Variants in RALGPS1 observed in about 807,000 individuals in gnomAD.
RALGPS1 encodes ras-specific guanine nucleotide-releasing factor RalGPS1.
RALGPS1 carries 19 observed loss-of-function variants against 78.8 expected under a neutral mutation model. The ratio of observed to expected loss-of-function variants is 0.24; its 90% CI spans 0.17 to 0.35. The LOEUF is 0.35. Among genes scored for constraint, RALGPS1 ranks in the 10% least tolerant of loss-of-function variants. The pLI, the probability that RALGPS1 is intolerant of heterozygous loss-of-function variation, is 1.00. For synonymous variants in RALGPS1, 228 were observed against 256.3 expected (o/e 0.89, Z 1.06); for missense variants, 454 against 688.3 (o/e 0.66, Z 3.81).
At chr9:127,206,430 A>G (rs184907442) in intron 14 of RALGPS1, among the ~76,000 whole-genome samples, 20 of 152,340 alleles carry the variant, frequency 1.3e-4, no homozygotes, top group Admixed American at 1.1e-3. Context: ...TCTTCTTCAT[A>G]TGGTGGTAGC....
At chr9:127,114,501 G>A (rs2055192217) in intron 8 of RALGPS1, among the ~76,000 whole-genome samples, 1 of 152,232 alleles carries the variant, frequency 6.6e-6, no homozygotes, top group Non-Finnish European at 1.5e-5. Flanking sequence ...GACGACGACA[G>A]GAGTGCTCTT....
intron 8 of RALGPS1, among the ~76,000 whole-genome samples, chr9:127,102,315 A>C (rs2053813959): frequency 6.6e-6 from 1 of 151,602 alleles, no homozygotes; most frequent in Admixed American, 6.6e-5. Context: ...GTATGAGGCT[A>C]ACTTAATACT....
chr9:127,066,416 G>T (rs1341644061), intron 7 of RALGPS1, among the ~76,000 whole-genome samples: 2 of 152,228 alleles, frequency 1.3e-5, no homozygotes, highest in Non-Finnish European at 2.9e-5. Context: ...CAAGGCTGGC[G>T]GATCAGCTGA....
intron 4 of RALGPS1, among the ~76,000 whole-genome samples, chr9:127,014,752 A>AT (rs962901388): frequency 2.6e-5 from 4 of 151,646 alleles, no homozygotes; most frequent in South Asian, 2.1e-4. Context: ...TAGGCCCATC[A>AT]TTTTTTTACA....
chr9:126,920,304 C>T (rs1318949751), intron 1 of RALGPS1, among the ~76,000 whole-genome samples: 1 of 152,152 alleles, frequency 6.6e-6, no homozygotes, highest in Admixed American at 6.5e-5. Flanking sequence ...TGAGTGCTGA[C>T]TCTGAGACAG....
At position 127,168,060 on chromosome 9, in the gene RALGPS1, C is replaced by T. The variant is rs759281533; in HGVS notation, c.749-619C>T. 1.2e-4 allele frequency among the ~76,000 whole-genome samples: 19 copies of T among 152,224 alleles called. No individual in the cohort carries two copies. In the East Asian group the frequency reaches 1.5e-3, roughly 12 times the overall value. On this transcript the variant is annotated intron_variant, in intron 9 of 18. Coordinates refer to ENST00000259351, the MANE Select transcript of RALGPS1 (RefSeq NM_014636.3). The stretch of plus-strand genomic sequence containing the variant: ...TGCAATGGGGATATTGTTTCTCCCA[C>T]GTGAGGCAGGTGTGAAGGTTAACAA...
intron 8 of RALGPS1, among the ~76,000 whole-genome samples, chr9:127,153,375 C>CT (rs60308901): frequency 0.027 from 2,710 of 102,058 alleles, 104 homozygotes; most frequent in African/African-American, 0.079. Context: ...TAGAGGATTA[C>CT]TTTTTTTTTT....
intron 11 of RALGPS1, among the ~76,000 whole-genome samples, chr9:127,187,522 G>A (rs1045543838): frequency 2.0e-5 from 3 of 152,242 alleles, no homozygotes; most frequent in African/African-American, 7.2e-5. Flanking sequence ...AGAGCATAGC[G>A]CTGGGCGCAT....
chr9:127,155,902 T>C (rs948834569), intron 8 of RALGPS1, among the ~76,000 whole-genome samples: 8 of 151,866 alleles, frequency 5.3e-5, no homozygotes, highest in African/African-American at 1.9e-4. Context: ...ATCTTGCTTT[T>C]TTTTTTTTTA....
At chr9:126,998,749 C>T (rs952449632) in intron 4 of RALGPS1, among the ~76,000 whole-genome samples, 4 of 151,874 alleles carry the variant, frequency 2.6e-5, no homozygotes, top group Non-Finnish European at 5.9e-5. Context: ...TTCACAATAG[C>T]GAAGACTTGG....
intron 5 of RALGPS1, among the ~76,000 whole-genome samples, chr9:127,035,683 A>G (rs2046806176): frequency 3.3e-5 from 5 of 152,098 alleles, no homozygotes; most frequent in Admixed American, 2.6e-4. Flanking sequence ...CCCCAAGTCC[A>G]GCGGGATCCT....
At chr9:127,108,369 C>G (rs1239576613) in intron 8 of RALGPS1, 1 of 1,610,656 alleles carries the variant, frequency 6.2e-7, no homozygotes, top group East Asian at 2.2e-5. Context: ...TGCGCAGCAG[C>G]TTCACCTCGC....
At chr9:127,112,800 G>T (rs2054977344) in intron 8 of RALGPS1, among the ~76,000 whole-genome samples, 1 of 152,250 alleles carries the variant, frequency 6.6e-6, no homozygotes, top group Admixed American at 6.5e-5. Flanking sequence ...CTGGGTGTGG[G>T]CCAGGCAGTG....
rs1241364978 is a variant in RALGPS1 at position 127,205,616 on chromosome 9, A to G, written c.1248-6515A>G. Reference sequence around the variant, plus strand: ...TACAATTCCTCCAGAGTCAGCACCTAGAAAGCGGGCAGGACGCTCCTTCCA... The same window carrying G: ...TACAATTCCTCCAGAGTCAGCACCTGGAAAGCGGGCAGGACGCTCCTTCCA... On this transcript the variant is annotated intron_variant, in intron 14 of 18. Transcript: ENST00000259351. The surrounding 1 kb of genome is among the most constrained non-coding windows in gnomAD (Gnocchi z 4.0). Among the ~76,000 whole-genome samples, 1 of 152,216 alleles carries G rather than the reference A, an allele frequency of 6.6e-6. No individual in the cohort carries two copies. Among genetic ancestry groups the G allele is most frequent in the Non-Finnish European group, 1.5e-5 (1 of 68,042 alleles).
intron 7 of RALGPS1, among the ~76,000 whole-genome samples, chr9:127,054,919 A>C (rs1460515680): frequency 1.3e-5 from 2 of 151,926 alleles, no homozygotes; most frequent in African/African-American, 4.8e-5. Context: ...TCAAGGCAGC[A>C]GTGAACTATG....
rs561241584 is a variant in RALGPS1 at position 127,146,061 on chromosome 9, T to C, written c.611-20008T>C. On this transcript the variant is annotated intron_variant, in intron 8 of 18. Transcript: ENST00000259351. ...GAGAACACGGTGGATTCTCGATACG[T>C]TATCTGTTTTTTAAATTTCAAACTT... Among the ~76,000 whole-genome samples the C allele has an allele frequency of 3.3e-4, 51 of 152,306 alleles. 1 individual carries two copies. In the South Asian group the frequency reaches 0.01, roughly 31 times the overall value.
chr9:126,936,844 G>A (rs536117130), intron 1 of RALGPS1, among the ~76,000 whole-genome samples: 2 of 148,500 alleles, frequency 1.3e-5, no homozygotes, highest in African/African-American at 4.9e-5. Flanking sequence ...GAACAGGAAC[G>A]GCACCTTTTT....
chr9:127,172,555 G>A (rs141349057), intron 10 of RALGPS1, among the ~76,000 whole-genome samples: 6 of 152,288 alleles, frequency 3.9e-5, no homozygotes, highest in Middle Eastern at 3.4e-3. Flanking sequence ...GAATCCGTCC[G>A]TGTTGGATGC....
chr9:126,949,887 C>G (rs1337895333), intron 1 of RALGPS1, among the ~76,000 whole-genome samples: 2 of 152,088 alleles, frequency 1.3e-5, no homozygotes, highest in African/African-American at 4.8e-5. Flanking sequence ...AAGTCCTTGC[C>G]CATGCCTGTG....
Sources: allele counts gnomAD v4.1 joint callset (sites outside exome capture counted in the v4.1 genomes callset), GRCh38; gene constraint gnomAD v4.1.1; non-coding constraint Gnocchi (gnomAD v3.1); transcripts MANE v1.5; gene names NCBI Gene and HGNC (gene_info 2026-07-23, HGNC 2026-07-21).